Variants in AGBL4 observed in about 807,000 individuals in gnomAD.
AGBL4 encodes the protein AGBL carboxypeptidase 4.
In AGBL4, 58 loss-of-function variants were observed where a neutral mutation model predicts 66.4. That is an observed-to-expected ratio of 0.87 (90% CI 0.71 to 1.09). AGBL4 has a LOEUF of 1.09. Among genes scored for constraint, AGBL4 ranks in the 50% least tolerant of loss-of-function variants. AGBL4 has a pLI of 0.00. For missense variants in AGBL4, 579 were observed against 631.0 expected (o/e 0.92, Z 0.88); for synonymous variants, 234 against 222.9 (o/e 1.05, Z -0.44).
Position 50,012,443 on chromosome 1 carries a change from A to T in AGBL4, c.34+11320T>A, listed in dbSNP as rs542470337. Among the ~76,000 whole-genome samples the T allele has an allele frequency of 1.6e-3, 239 of 152,246 alleles. 1 individual carries two copies. Among genetic ancestry groups the T allele is most frequent in the African/African-American group, 4.9e-3 (203 of 41,566 alleles). On this transcript the variant is annotated intron_variant, in intron 1 of 13. Coordinates refer to ENST00000371839, the MANE Select transcript of AGBL4 (RefSeq NM_032785.4). ...GTTTCACATTGCATGCGTATATCAAAACATCACATGTACCCTAATAAATAT... is the reference window on the plus strand; with the variant it reads ...GTTTCACATTGCATGCGTATATCAATACATCACATGTACCCTAATAAATAT...
intron 1 of AGBL4, among the ~76,000 whole-genome samples, chr1:49,879,316 G>C (rs1227630701): frequency 2.6e-5 from 4 of 151,398 alleles, no homozygotes; most frequent in African/African-American, 4.9e-5. Context: ...TTCTTTCCAT[G>C]TTTAGCGCTT....
chr1:49,070,870 T>C (rs970936015), intron 4 of AGBL4, among the ~76,000 whole-genome samples: 2 of 152,000 alleles, frequency 1.3e-5, no homozygotes, highest in South Asian at 2.1e-4. Context: ...AATCTGTCTG[T>C]CCTGGACTTT....
chr1:48,879,237 C>T (rs987644310), intron 5 of AGBL4, among the ~76,000 whole-genome samples: 1 of 150,884 alleles, frequency 6.6e-6, no homozygotes, highest in Non-Finnish European at 1.5e-5. Flanking sequence ...TCTTGGATTT[C>T]CAGGGACACA....
chr1:49,115,032 T>C (rs1276070357), intron 4 of AGBL4, among the ~76,000 whole-genome samples: 1 of 152,128 alleles, frequency 6.6e-6, no homozygotes, highest in Middle Eastern at 3.2e-3. Context: ...AACACAGGGT[T>C]GTCACAAACC....
intron 2 of AGBL4, among the ~76,000 whole-genome samples, chr1:49,707,310 T>C (rs1167417567): frequency 6.6e-6 from 1 of 152,044 alleles, no homozygotes; most frequent in Non-Finnish European, 1.5e-5. Context: ...TTCTTTATCT[T>C]TTTTATCTTT....
At chr1:48,814,011 A>T (rs886958664) in intron 6 of AGBL4, among the ~76,000 whole-genome samples, 4 of 152,092 alleles carry the variant, frequency 2.6e-5, no homozygotes, top group Admixed American at 2.6e-4. Flanking sequence ...TGCCTCAAGG[A>T]GTTGCCAGGG....
intron 5 of AGBL4, among the ~76,000 whole-genome samples, chr1:48,986,570 A>T (rs1660192350): frequency 6.6e-6 from 1 of 152,088 alleles, no homozygotes; most frequent in South Asian, 2.1e-4. Flanking sequence ...AAGAATTTCA[A>T]AACTAAGACA....
At chr1:48,786,521 C>T (rs1282867657) in intron 6 of AGBL4, among the ~76,000 whole-genome samples, 1 of 152,202 alleles carries the variant, frequency 6.6e-6, no homozygotes, top group Non-Finnish European at 1.5e-5. Flanking sequence ...TGAATCCCTA[C>T]CTAGAAACCT....
intron 3 of AGBL4, among the ~76,000 whole-genome samples, chr1:49,658,774 C>T (rs973653249): frequency 2.0e-5 from 3 of 151,694 alleles, no homozygotes; most frequent in Non-Finnish European, 4.4e-5. Flanking sequence ...AACCAAACAC[C>T]GCATGTTCTC....
chr1:49,561,677 TG>T (rs1644049126), intron 3 of AGBL4, among the ~76,000 whole-genome samples: 1 of 152,176 alleles, frequency 6.6e-6, no homozygotes, highest in Non-Finnish European at 1.5e-5. Context: ...ATGGTGTATA[TG>T]TGCCACATTT....
At chr1:49,683,531 T>C (rs1201743867) in intron 3 of AGBL4, among the ~76,000 whole-genome samples, 1 of 152,092 alleles carries the variant, frequency 6.6e-6, no homozygotes, top group African/African-American at 2.4e-5. Context: ...TAGCTAAAAA[T>C]CCATCAGGGA....
intron 6 of AGBL4, among the ~76,000 whole-genome samples, chr1:48,689,219 AAAAAGAAAAG>A (rs1174074579): frequency 3.5e-5 from 5 of 141,584 alleles, no homozygotes; most frequent in Non-Finnish European, 5.9e-5. Context: ...AAAAAAAAAA[AAAAAGAAAAG>A]AAAAGAAAAG....
intron 5 of AGBL4, among the ~76,000 whole-genome samples, chr1:48,967,317 T>A (rs1557510693): frequency 1.3e-5 from 2 of 152,142 alleles, no homozygotes; most frequent in Admixed American, 6.5e-5. Flanking sequence ...GCTGCCCCCA[T>A]CACCTTCATT....
intron 2 of AGBL4, among the ~76,000 whole-genome samples, chr1:49,724,704 G>A (rs1046111594): frequency 6.6e-6 from 1 of 152,078 alleles, no homozygotes. Context: ...GTTAAATGAG[G>A]TTATAAGGGT....
intron 4 of AGBL4, among the ~76,000 whole-genome samples, chr1:49,060,138 T>C (rs373108581): frequency 2.2e-4 from 34 of 152,282 alleles, no homozygotes; most frequent in African/African-American, 8.2e-4. Context: ...TCATCTTTAA[T>C]TGTACTTCCC....
chr1:48,526,366 T>A, the AGBL4 span, among the ~76,000 whole-genome samples: 1 of 152,208 alleles, frequency 6.6e-6, no homozygotes, highest in Non-Finnish European at 1.5e-5. Flanking sequence ...CCTAAGCTTC[T>A]GTGTCTTTAG....
intron 3 of AGBL4, among the ~76,000 whole-genome samples, chr1:49,309,649 G>GAATA (rs1553181221): frequency 1.3e-5 from 2 of 151,628 alleles, no homozygotes; most frequent in Non-Finnish European, 2.9e-5. Flanking sequence ...TGTACTGTAA[G>GAATA]TAGCTTATAT....
intron 5 of AGBL4, among the ~76,000 whole-genome samples, chr1:49,025,941 T>A (rs373572957): frequency 6.6e-6 from 1 of 152,168 alleles, no homozygotes; most frequent in African/African-American, 2.4e-5. Context: ...TTTTTCAACT[T>A]TATTGAAGCA....
intron 4 of AGBL4, among the ~76,000 whole-genome samples, chr1:49,143,543 A>C (rs1646159198): frequency 6.6e-6 from 1 of 152,172 alleles, no homozygotes; most frequent in Non-Finnish European, 1.5e-5. Context: ...GAGGGCAGGG[A>C]ATGTGCCATG....
Sources: gnomAD v4.1 joint callset for allele counts (sites outside exome capture counted in the v4.1 genomes callset) on GRCh38, gnomAD v4.1.1 for gene constraint, MANE v1.5 for transcripts, NCBI Gene and HGNC (gene_info 2026-07-23, HGNC 2026-07-21) for gene names.